PDE3A: variants seen among roughly 807,000 people sequenced by gnomAD.
PDE3A encodes phosphodiesterase 3A.
In PDE3A, 43 loss-of-function variants were observed where a neutral mutation model predicts 98.3. That is an observed-to-expected ratio of 0.44 (90% CI 0.34 to 0.56). PDE3A has a LOEUF of 0.56. Ranked by LOEUF, PDE3A falls within the 20% of genes least tolerant of loss-of-function variation. PDE3A has a pLI of 0.01. For missense variants in PDE3A, 1,427 were observed against 1,440.7 expected (o/e 0.99, Z 0.15); for synonymous variants, 663 against 567.9 (o/e 1.17, Z -2.38).
chr12:20,489,343 C>G (rs1000970015), intron 1 of PDE3A, among the ~76,000 whole-genome samples: 1 of 152,146 alleles, frequency 6.6e-6, no homozygotes, highest in African/African-American at 2.4e-5. Flanking sequence ...AGCCAGTAAG[C>G]CTGTCAGGCA....
intron 2 of PDE3A, 84 bp from the exon 3 acceptor site, chr12:20,613,359 C>G (rs1276051241): frequency 2.4e-6 from 3 of 1,237,208 alleles, no homozygotes; most frequent in Non-Finnish European, 3.5e-6. Context: ...CAATTCATTT[C>G]TTAGTGAAAA....
chr12:20,475,659 G>A (rs1945519116), intron 1 of PDE3A, among the ~76,000 whole-genome samples: 1 of 152,130 alleles, frequency 6.6e-6, no homozygotes, highest in Admixed American at 6.5e-5. Context: ...GAACCTCGGA[G>A]GCAGAGGTTG....
intron 15 of PDE3A, among the ~76,000 whole-genome samples, chr12:20,675,730 C>T (rs1204556526): frequency 6.6e-6 from 1 of 152,078 alleles, no homozygotes; most frequent in African/African-American, 2.4e-5. Context: ...CTTCTTTTTA[C>T]TGTTTTGACT....
At chr12:20,574,968 G>A (rs1056841279) in intron 2 of PDE3A, among the ~76,000 whole-genome samples, 2 of 151,822 alleles carry the variant, frequency 1.3e-5, no homozygotes, top group South Asian at 2.1e-4. Context: ...TCGAAACCAA[G>A]CCCCCAAATG....
chr12:20,509,414 T>G (rs527742665), intron 1 of PDE3A, among the ~76,000 whole-genome samples: 5 of 152,206 alleles, frequency 3.3e-5, no homozygotes. Context: ...TACCCCTACA[T>G]TAGTTTCTGT....
intron 1 of PDE3A, among the ~76,000 whole-genome samples, chr12:20,396,320 G>A (rs796160523): frequency 3.9e-5 from 6 of 152,076 alleles, no homozygotes; most frequent in African/African-American, 1.4e-4. Flanking sequence ...ACATTTTACT[G>A]GCATGATAAA....
At chr12:20,517,048 T>C (rs1005024156) in intron 1 of PDE3A, among the ~76,000 whole-genome samples, 5 of 152,212 alleles carry the variant, frequency 3.3e-5, no homozygotes, top group African/African-American at 4.8e-5. Context: ...ATTTACTGAA[T>C]GGCAAAGTTG....
intron 2 of PDE3A, among the ~76,000 whole-genome samples, chr12:20,582,046 T>A (rs867596541): frequency 4.2e-4 from 64 of 152,190 alleles, no homozygotes; most frequent in Non-Finnish European, 7.8e-4. Context: ...GATTTTTTTT[T>A]AATTTTCCAA....
chr12:20,403,994 T>C (rs1363398060), intron 1 of PDE3A, among the ~76,000 whole-genome samples: 1 of 152,156 alleles, frequency 6.6e-6, no homozygotes, highest in African/African-American at 2.4e-5. Context: ...TGAATTATTT[T>C]CTTTCAAAGG....
intron 10 of PDE3A, among the ~76,000 whole-genome samples, 199 bp from the exon 11 acceptor site, chr12:20,646,291 G>A (rs1944774716): frequency 6.6e-6 from 1 of 152,146 alleles, no homozygotes; most frequent in Non-Finnish European, 1.5e-5. Flanking sequence ...AATGTTACAA[G>A]TAAGGTTTTT....
chr12:20,593,497 G>A (rs760687205), intron 2 of PDE3A, among the ~76,000 whole-genome samples: 16 of 151,720 alleles, frequency 1.1e-4, no homozygotes, highest in Non-Finnish European at 1.9e-4. Flanking sequence ...AGCCATCCTC[G>A]TGTGATATAA....
chr12:20,622,770 G>C (rs1023750051), intron 5 of PDE3A, among the ~76,000 whole-genome samples: 1 of 152,198 alleles, frequency 6.6e-6, no homozygotes, highest in South Asian at 2.1e-4. Flanking sequence ...GGGTGCTAAA[G>C]TGATTTTAGG....
intron 5 of PDE3A, among the ~76,000 whole-genome samples, chr12:20,628,375 G>A (rs539624443): frequency 2.0e-5 from 3 of 152,218 alleles, no homozygotes; most frequent in Non-Finnish European, 4.4e-5. Context: ...TTTAATAGAC[G>A]TAGAAACCGA....
At chr12:20,676,838 G>A (rs930236283) in intron 15 of PDE3A, among the ~76,000 whole-genome samples, 4 of 152,004 alleles carry the variant, frequency 2.6e-5, no homozygotes, top group Non-Finnish European at 2.9e-5. Flanking sequence ...TGCACCACGG[G>A]GAGGACCTTG....
intron 1 of PDE3A, among the ~76,000 whole-genome samples, chr12:20,485,853 CA>C (rs1374517997): frequency 6.6e-6 from 1 of 151,944 alleles, no homozygotes; most frequent in Non-Finnish European, 1.5e-5. Flanking sequence ...TCTGGATTAG[CA>C]AAAAATAAAA....
chr12:20,437,725 C>T (rs1429764194), intron 1 of PDE3A, among the ~76,000 whole-genome samples: 2 of 152,188 alleles, frequency 1.3e-5, no homozygotes, highest in African/African-American at 4.8e-5. Context: ...CACCTCTAAT[C>T]AGGCCTACCT....
intron 2 of PDE3A, among the ~76,000 whole-genome samples, chr12:20,572,645 T>C (rs778286394): frequency 3.3e-5 from 5 of 152,080 alleles, no homozygotes; most frequent in Non-Finnish European, 7.4e-5. Flanking sequence ...GGTTTCATGC[T>C]AAAATTTATG....
At chr12:20,658,705 G>A (rs2121521817) in intron 15 of PDE3A, among the ~76,000 whole-genome samples, 1 of 152,150 alleles carries the variant, frequency 6.6e-6, no homozygotes, top group Non-Finnish European at 1.5e-5. Flanking sequence ...CCTGCCTGCT[G>A]GCCTACCTTT....
intron 1 of PDE3A, among the ~76,000 whole-genome samples, chr12:20,430,628 A>T (rs545448576): frequency 6.6e-6 from 1 of 152,192 alleles, no homozygotes; most frequent in East Asian, 1.9e-4. Flanking sequence ...CAAAACCATG[A>T]AAGTGAGCAA....
Sources: gnomAD v4.1 joint callset for allele counts (sites outside exome capture counted in the v4.1 genomes callset) on GRCh38, gnomAD v4.1.1 for gene constraint, MANE v1.5 for transcripts, NCBI Gene and HGNC (gene_info 2026-07-23, HGNC 2026-07-21) for gene names.